MARCHF6: variants seen among roughly 807,000 people sequenced by gnomAD.
MARCHF6 encodes the protein E3 ubiquitin-protein ligase MARCHF6.
A neutral mutation model predicts 133.7 loss-of-function variants in MARCHF6; 31 were observed. The observed-to-expected ratio is 0.23, with a 90% CI of 0.17 to 0.31. MARCHF6 has a LOEUF of 0.31. Ranked by LOEUF, MARCHF6 falls within the 10% of genes least tolerant of loss-of-function variation. The probability of loss-of-function intolerance (pLI) is 1.00; values close to 1 mark genes in which losing one functional copy is unlikely to be tolerated. For missense variants in MARCHF6, 723 were observed against 1,121.6 expected (o/e 0.64, Z 5.08); for synonymous variants, 395 against 402.5 (o/e 0.98, Z 0.22).
At chr5:10,361,250 T>C (rs1330174628) in intron 1 of MARCHF6, among the ~76,000 whole-genome samples, 1 of 152,190 alleles carries the variant, frequency 6.6e-6, no homozygotes, top group Non-Finnish European at 1.5e-5. Context: ...TTATTTCAAA[T>C]GGGAATGGAA....
At chr5:10,357,213 CTTT>C (rs35082316) in intron 1 of MARCHF6, among the ~76,000 whole-genome samples, 7,872 of 144,650 alleles carry the variant, frequency 0.054, 493 homozygotes, top group African/African-American at 0.15. Context: ...CAAGGATATA[CTTT>C]TTTTTTTTTT....
At chr5:10,365,302 T>A (rs1736075110) in intron 1 of MARCHF6, among the ~76,000 whole-genome samples, 1 of 151,514 alleles carries the variant, frequency 6.6e-6, no homozygotes, top group Non-Finnish European at 1.5e-5. Flanking sequence ...GAATTATTAT[T>A]ATTATTATTA....
chr5:10,376,359 A>G (rs1439947618), intron 1 of MARCHF6, among the ~76,000 whole-genome samples: 1 of 151,684 alleles, frequency 6.6e-6, no homozygotes, highest in Non-Finnish European at 1.5e-5. Context: ...CTCCTGAGCC[A>G]GCGAGACCAC....
chr5:10,398,160 T>A (rs1738300899), intron 10 of MARCHF6, among the ~76,000 whole-genome samples: 1 of 152,188 alleles, frequency 6.6e-6, no homozygotes, highest in Non-Finnish European at 1.5e-5. Context: ...CCTTCCTTAG[T>A]ACATGGGATT....
chr5:10,389,444 C>G (rs1737680704), intron 5 of MARCHF6, among the ~76,000 whole-genome samples: 1 of 152,044 alleles, frequency 6.6e-6, no homozygotes, highest in Non-Finnish European at 1.5e-5. Flanking sequence ...ACTCTGTACC[C>G]ATGCTGGAGT....
chr5:10,438,378 G>A lies in MARCHF6; in HGVS notation c.*4694G>A, dbSNP rs1740726446. 1 of 152,126 alleles carries A rather than the reference G, an allele frequency of 6.6e-6. No homozygotes were observed. The highest frequency in any genetic ancestry group is 2.4e-5 in the African/African-American group (1 of 41,402). The allele number at this position is 152,126 out of a possible 1,614,324, so 9.4% of individuals were successfully genotyped here. ...CATGATTGTTTTCCCCCAAACAAGT[G>A]CATTTTTAATTACTTTAAATGCAGG... On this transcript the variant is annotated 3_prime_UTR_variant, in exon 26 of 26. Coordinates refer to ENST00000274140, the MANE Select transcript of MARCHF6 (RefSeq NM_005885.4).
intron 4 of MARCHF6, chr5:10,386,783 C>G: frequency 2.5e-6 from 1 of 404,234 alleles, no homozygotes; most frequent in Non-Finnish European, 4.5e-6. Flanking sequence ...AAGTGCTAAA[C>G]ATGATTGTGT....
At chr5:10,389,431 C>T (rs759910732) in intron 5 of MARCHF6, among the ~76,000 whole-genome samples, 4 of 151,982 alleles carry the variant, frequency 2.6e-5, no homozygotes, top group African/African-American at 9.7e-5. Context: ...GAGATGGAGT[C>T]TCACTCTGTA....
chr5:10,411,248 A>G (rs1739214013), intron 18 of MARCHF6, 85 bp from the exon 19 acceptor site: 1 of 1,031,112 alleles, frequency 9.7e-7, no homozygotes, highest in Admixed American at 1.8e-5. Flanking sequence ...TACCCTTAGT[A>G]GTAAATATGA....
intron 5 of MARCHF6, among the ~76,000 whole-genome samples, chr5:10,387,366 G>A (rs561517053): frequency 3.3e-5 from 5 of 150,578 alleles, no homozygotes; most frequent in South Asian, 4.2e-4. Flanking sequence ...ATAATGGTGC[G>A]ATCTCGGCTC....
chr5:10,365,245 A>G lies in MARCHF6; in HGVS notation c.19+11328A>G, dbSNP rs1476252409. Among the ~76,000 whole-genome samples, 14 of 152,192 alleles carry G rather than the reference A, an allele frequency of 9.2e-5. 1 individual carries two copies. Among genetic ancestry groups the G allele is most frequent in the Admixed American group, 9.2e-4 (14 of 15,278 alleles). On this transcript the variant is annotated intron_variant, in intron 1 of 25. Coordinates refer to ENST00000274140, the MANE Select transcript of MARCHF6 (RefSeq NM_005885.4). The stretch of plus-strand genomic sequence containing the variant: ...GAATTTTTAATTTAGTAACGATAGT[A>G]ATCTGGTGAGCTAAAATAAGTAAAC...
In MARCHF6 at chr5:10,438,797, T is replaced by C. The variant is rs1321523932; in HGVS notation, c.*5113T>C. The C allele has an allele frequency of 6.6e-6, 1 of 152,198 alleles. No homozygotes were observed. 9.4% of individuals were successfully genotyped at this position (152,198 alleles called of 1,614,324 possible). A position where few individuals can be genotyped will look rare whatever the true frequency, so the allele number is the denominator to read the frequency against. On this transcript the variant is annotated 3_prime_UTR_variant, in exon 26 of 26. Coordinates refer to ENST00000274140, the MANE Select transcript of MARCHF6 (RefSeq NM_005885.4). ...CAGAGAAAGGTTCACCCGGGAGAGA[T>C]GGCCTAGCCACTTCCTTAGTGACTG... is the stretch of plus-strand genomic sequence containing the variant.
At chr5:10,393,276 T>G (rs1401252197) in intron 7 of MARCHF6, among the ~76,000 whole-genome samples, 1 of 152,116 alleles carries the variant, frequency 6.6e-6, no homozygotes, top group Non-Finnish European at 1.5e-5. Flanking sequence ...GGGTTCTCCC[T>G]GTTGTCCTGG....
At chr5:10,406,557 T>TA (rs1310440531) in intron 16 of MARCHF6, among the ~76,000 whole-genome samples, 2 of 152,056 alleles carry the variant, frequency 1.3e-5, no homozygotes, top group African/African-American at 4.8e-5. Flanking sequence ...GCTCAGCTAA[T>TA]TTTTGTATTT....
At position 10,438,892 on chromosome 5, in the gene MARCHF6, A is replaced by T. The variant is rs930918628; in HGVS notation, c.*5208A>T. 6.6e-6 allele frequency: 1 copy of T among 152,164 alleles called. No homozygotes were observed. Among genetic ancestry groups the T allele is most frequent in the Non-Finnish European group, 1.5e-5 (1 of 68,040 alleles). 9.4% of individuals were successfully genotyped at this position (152,164 alleles called of 1,614,324 possible). Reference sequence around the variant, plus strand: ...GCAATCTAGTTCTACTTAGTCACACACTTCTCTAAGACCACTCATACGTAA... The same window carrying T: ...GCAATCTAGTTCTACTTAGTCACACTCTTCTCTAAGACCACTCATACGTAA... On this transcript the variant is annotated 3_prime_UTR_variant, in exon 26 of 26. Coordinates refer to ENST00000274140, the MANE Select transcript of MARCHF6 (RefSeq NM_005885.4).
rs915895216 is a variant in MARCHF6, at chr5:10,400,977, A to C, written c.972+135A>C. 9.3e-6 allele frequency: 6 copies of C among 642,408 alleles called. No individual in the cohort carries two copies. The African/African-American group carries it at 1.1e-4, about 12-fold the overall frequency. The allele number at this position is 642,408 out of a possible 1,614,324, so 39.8% of individuals were successfully genotyped here. A position where few individuals can be genotyped will look rare whatever the true frequency, so the allele number is the denominator to read the frequency against. ...GGGAATAGTTAGGCAATACCGTCTC[A>C]TTCTTTTTTAAAAAAAATAACAGTG... On this transcript the variant is annotated intron_variant, in intron 11 of 25. Coordinates refer to ENST00000274140, the MANE Select transcript of MARCHF6 (RefSeq NM_005885.4).
chr5:10,389,977 C>G (rs965531720), intron 5 of MARCHF6, among the ~76,000 whole-genome samples: 1 of 152,174 alleles, frequency 6.6e-6, no homozygotes, highest in Non-Finnish European at 1.5e-5. Context: ...TGGCCTTTGT[C>G]AAGTGTTAGA....
In MARCHF6 at chr5:10,381,823, C is replaced by T. The variant is rs764082741; in HGVS notation, c.214C>T (p.Arg72Trp). ...AGTTTATTCTCCAGATATGCCTTCA[C>T]GGCTTCCAATTCAAGACATATTTGC... ...TPIYSPDMPSRLPIQDIFAGL... is the reference protein window; with the variant it reads ...TPIYSPDMPSWLPIQDIFAGL... Residue 72 changes from arginine to tryptophan, a missense_variant, in exon 4 of 26, where the codon CGG becomes TGG. This residue lies in a region of MARCHF6 where 91 missense variants were observed against 208.8 expected (regional missense o/e 0.44). Coordinates refer to ENST00000274140, the MANE Select transcript of MARCHF6 (RefSeq NM_005885.4). 9 of 1,607,344 alleles carry T rather than the reference C, an allele frequency of 5.6e-6. No homozygotes were observed. The Admixed American group carries it at 6.9e-5, about 12-fold the overall frequency.
chr5:10,380,704 C>G (rs889676586), intron 3 of MARCHF6, among the ~76,000 whole-genome samples: 2 of 151,984 alleles, frequency 1.3e-5, no homozygotes, highest in Non-Finnish European at 2.9e-5. Flanking sequence ...GGCAGGCGGA[C>G]CACCTGAGGT....
Sources: allele counts gnomAD v4.1 joint callset (sites outside exome capture counted in the v4.1 genomes callset), GRCh38; gene constraint gnomAD v4.1.1; regional missense constraint gnomAD v4.1.1; transcripts MANE v1.5; gene names NCBI Gene and HGNC (gene_info 2026-07-23, HGNC 2026-07-21).